The following PRSS3 variants were observed in gnomAD, a reference collection of about 807,000 sequenced individuals.
PRSS3 encodes trypsin-3.
In PRSS3, 14 loss-of-function variants were observed where a neutral mutation model predicts 20.8. The observed-to-expected ratio is 0.67, with a 90% CI of 0.44 to 1.05. The LOEUF is 1.05. Ranked by LOEUF, PRSS3 falls within the 50% of genes least tolerant of loss-of-function variation. The pLI, the probability that PRSS3 is intolerant of heterozygous loss-of-function variation, is 0.00. For missense variants in PRSS3, 237 were observed against 306.4 expected (o/e 0.77, Z 1.69); for synonymous variants, 91 against 117.6 (o/e 0.77, Z 1.46).
At chr9:33,781,119 A>G (rs560055255) in intron 1 of PRSS3, among the ~76,000 whole-genome samples, 13 of 152,224 alleles carry the variant, frequency 8.5e-5, no homozygotes, top group Non-Finnish European at 1.9e-4. Context: ...GGCACTGAGG[A>G]AAGCAGTTTG....
chr9:33,784,326 T>C (rs2119013546), intron 1 of PRSS3, among the ~76,000 whole-genome samples: 1 of 152,328 alleles, frequency 6.6e-6, no homozygotes, highest in South Asian at 2.1e-4. Flanking sequence ...CTGGGTTATT[T>C]TGGCAGGGAG....
chr9:33,776,580 T>C (rs1000579029), intron 1 of PRSS3, among the ~76,000 whole-genome samples: 1 of 152,184 alleles, frequency 6.6e-6, no homozygotes, highest in Non-Finnish European at 1.5e-5. Flanking sequence ...AACCCACTCA[T>C]ATAAGGTTAA....
intron 1 of PRSS3, among the ~76,000 whole-genome samples, chr9:33,768,283 C>G (rs1823533900): frequency 6.6e-6 from 1 of 151,696 alleles, no homozygotes; most frequent in Admixed American, 6.6e-5. Context: ...AGTTCAAGAC[C>G]AGCCTGGCCA....
intron 1 of PRSS3, among the ~76,000 whole-genome samples, chr9:33,754,995 TAAAAAGC>T (rs1378774700): frequency 2.0e-5 from 3 of 152,188 alleles, no homozygotes; most frequent in Non-Finnish European, 4.4e-5. Context: ...TTTGTTTTAC[TAAAAAGC>T]AATGGGTAAT....
chr9:33,766,572 CAAAT>C lies in PRSS3; in HGVS notation c.-53+15856_-53+15859del, dbSNP rs1456602214. 4.6e-5 allele frequency among the ~76,000 whole-genome samples: 7 copies of C among 152,028 alleles called. No homozygotes were observed. The South Asian group carries it at 1.5e-3, about 32-fold the overall frequency. On this transcript the variant is annotated intron_variant, in intron 1 of 5. Coordinates refer to the PRSS3 transcript ENST00000342836. ...TGGGCGACAGAGCAAGACTCTGTCT[CAAAT>C]AAATAAATAAGTAAATAAATAAATA...
intron 1 of PRSS3, among the ~76,000 whole-genome samples, chr9:33,762,898 A>G (rs1823264894): frequency 6.6e-6 from 1 of 152,194 alleles, no homozygotes; most frequent in Admixed American, 6.5e-5. Context: ...GGAAGCTAAC[A>G]CTTATTAAAC....
Position 33,799,107 on chromosome 9 carries a change from A to G in PRSS3, c.671A>G (p.Asn224Ser). 1 of 1,612,932 alleles carries G rather than the reference A, an allele frequency of 6.2e-7. No homozygotes were observed. The highest frequency in any genetic ancestry group is 8.5e-7 in the Non-Finnish European group (1 of 1,179,746). ...TGGGGCCATGGCTGTGCCTGGAAGA[A>G]CAGGCCTGGAGTCTACACCAAGGTC... The part of the protein sequence containing the change: ...VSWGHGCAWK[N>S]RPGVYTKVYN... The change falls in exon 5 of 5, where the codon AAC becomes AGC. Residue 224 changes from asparagine (N) to serine (S), a missense_variant. Coordinates refer to ENST00000379405, the MANE Select transcript of PRSS3 (RefSeq NM_002771.4).
intron 1 of PRSS3, among the ~76,000 whole-genome samples, chr9:33,770,437 C>T (rs1823634951): frequency 6.6e-6 from 1 of 152,148 alleles, no homozygotes; most frequent in Middle Eastern, 3.4e-3. Context: ...AGACTTCTGG[C>T]ACTGTTGGGA....
intron 1 of PRSS3, among the ~76,000 whole-genome samples, chr9:33,774,088 T>C (rs536511443): frequency 1.3e-5 from 2 of 152,370 alleles, no homozygotes; most frequent in South Asian, 4.1e-4. Flanking sequence ...TTAAATGTTT[T>C]TAATGCTAAA....
At chr9:33,782,984 G>A (rs2119004542) in intron 1 of PRSS3, among the ~76,000 whole-genome samples, 1 of 152,290 alleles carries the variant, frequency 6.6e-6, no homozygotes, top group South Asian at 2.1e-4. Context: ...TCCATCTACA[G>A]GAAGTGGCTA....
At chr9:33,789,843 A>G (rs1231382568) in intron 1 of PRSS3, among the ~76,000 whole-genome samples, 1 of 152,206 alleles carries the variant, frequency 6.6e-6, no homozygotes, top group Non-Finnish European at 1.5e-5. Context: ...TGACAGACCT[A>G]AGTTTAAAAC....
chr9:33,752,761 T>G (rs1248728875), intron 1 of PRSS3, among the ~76,000 whole-genome samples: 2 of 152,208 alleles, frequency 1.3e-5, no homozygotes, highest in African/African-American at 4.8e-5. Flanking sequence ...TCTGTTCTCT[T>G]GTGTAAAAAC....
upstream of PRSS3, among the ~76,000 whole-genome samples, chr9:33,790,949 A>C (rs1824606873): frequency 6.6e-6 from 1 of 152,250 alleles, no homozygotes; most frequent in African/African-American, 2.4e-5. Flanking sequence ...GCCCATAAGA[A>C]AATTAACTAG....
chr9:33,793,789 T>C (rs1446030194), upstream of PRSS3: 8 of 800,528 alleles, frequency 1.0e-5, no homozygotes, highest in Non-Finnish European at 1.2e-5. Context: ...TCTCTTCCTC[T>C]ATAAATGGAA....
chr9:33,798,841 T>G (rs367655680), intron 4 of PRSS3, 187 bp from the exon 5 acceptor site: 19 of 1,042,556 alleles, frequency 1.8e-5, no homozygotes, highest in African/African-American at 1.1e-4. Flanking sequence ...GTGCCCCCAT[T>G]GGGAAATGAG....
rs184851925 is a variant in PRSS3, at chr9:33,766,673, G to T, written c.-53+15946G>T. Among the ~76,000 whole-genome samples, 37 of 152,204 alleles carry T rather than the reference G, an allele frequency of 2.4e-4. No individual in the cohort carries two copies. In the East Asian group the frequency reaches 6.4e-3, roughly 26 times the overall value. On this transcript the variant is annotated intron_variant, in intron 1 of 5. Coordinates refer to the PRSS3 transcript ENST00000342836. ...AACATTATGCTGAGGGAAAGAGGCT[G>T]CATCTTGTATGATTTAATTTATATA...
At chr9:33,775,153 C>T (rs765216348) in intron 1 of PRSS3, among the ~76,000 whole-genome samples, 7 of 151,228 alleles carry the variant, frequency 4.6e-5, no homozygotes, top group Admixed American at 1.3e-4. Flanking sequence ...TGGAAATTGA[C>T]AAAATGCAGG....
In PRSS3 at chr9:33,796,812, G is replaced by A. The variant is rs1563969500; in HGVS notation, c.200+10G>A. 4 of 1,613,444 alleles carry A rather than the reference G, an allele frequency of 2.5e-6. No individual in the cohort carries two copies. The highest frequency in any genetic ancestry group is 2.5e-6 in the Non-Finnish European group (3 of 1,179,560). ...CTCACTGCTACAAGACGTAAGTGTG[G>A]GGCCCCTGACTGCAAAGCTCCCAGC... On this transcript the variant is annotated intron_variant, in intron 2 of 4. Transcript: ENST00000379405.
chr9:33,775,892 C>T (rs1178602935), intron 1 of PRSS3, among the ~76,000 whole-genome samples: 1 of 151,972 alleles, frequency 6.6e-6, no homozygotes, highest in Non-Finnish European at 1.5e-5. Context: ...TTACTAGAGA[C>T]AGGGTTTCAC....
Sources: gnomAD v4.1 joint callset for allele counts (sites outside exome capture counted in the v4.1 genomes callset) on GRCh38, gnomAD v4.1.1 for gene constraint, MANE v1.5 for transcripts, NCBI Gene and HGNC (gene_info 2026-07-23, HGNC 2026-07-21) for gene names.